The following ZNF805 variants were observed in gnomAD, a reference collection of about 807,000 sequenced individuals.
ZNF805 encodes the protein zinc finger protein 805.
ZNF805 carries 7 observed loss-of-function variants against 13.6 expected under a neutral mutation model. The ratio of observed to expected loss-of-function variants is 0.51; its 90% confidence interval spans 0.29 to 0.97. The LOEUF (loss-of-function observed/expected upper bound fraction) is 0.97. Among genes scored for constraint, ZNF805 ranks in the 50% least tolerant of loss-of-function variants. The probability of loss-of-function intolerance (pLI) is 0.08; values close to 1 mark genes in which losing one functional copy is unlikely to be tolerated. For synonymous variants in ZNF805, 293 were observed against 279.8 expected (o/e 1.05, Z -0.47); for missense variants, 604 against 771.0 (o/e 0.78, Z 2.57).
rs1478882280 is a variant in ZNF805, at chr19:57,261,018, G to T, written c.*6315G>T. On this transcript the variant is annotated 3_prime_UTR_variant, in exon 4 of 4. Transcript: ENST00000414468. Reference sequence around the variant, plus strand: ...GAGGTACAGAAAGATTAAGGAATTTGTCAAAGATTTCACAATTATGAAATT... The same window carrying T: ...GAGGTACAGAAAGATTAAGGAATTTTTCAAAGATTTCACAATTATGAAATT... 6.6e-6 allele frequency among the ~76,000 whole-genome samples: 1 copy of T among 152,132 alleles called. No homozygotes were observed. Among genetic ancestry groups the T allele is most frequent in the Non-Finnish European group, 1.5e-5 (1 of 68,028 alleles).
Position 57,253,546 on chromosome 19 carries a change from A to G in ZNF805, c.727A>G (p.Ser243Gly). 2 of 1,613,672 alleles carry G rather than the reference A, an allele frequency of 1.2e-6. No individual in the cohort carries two copies. Among genetic ancestry groups the G allele is most frequent in the Non-Finnish European group, 1.7e-6 (2 of 1,179,766 alleles). The change falls in exon 4 of 4, where the codon AGT (serine) becomes GGT (glycine). Residue 243 changes from serine (S) to glycine (G), a missense_variant. Coordinates refer to ENST00000414468, the MANE Select transcript of ZNF805 (RefSeq NM_001023563.4). This position sits in a 1 kb window ranked among gnomAD's most constrained non-coding sequence, Gnocchi z 4.4. ...AGAGTGTGGAAAAACCTTTAGCAAG[A>G]GTACATACCTCCTGCAGCACCACAT... ...CTECGKTFSK[S>G]TYLLQHHMVH...
At chr19:57,245,607 GTC>G (rs1568488005) in intron 2 of ZNF805, among the ~76,000 whole-genome samples, 61 of 148,550 alleles carry the variant, frequency 4.1e-4, no homozygotes, top group African/African-American at 1.4e-3. Flanking sequence ...GTGCAACCCT[GTC>G]TCTACTAAAA....
rs1448970724 is a variant in ZNF805, at chr19:57,243,979, G to A, written c.87G>A (p.Gln29=). 5 of 1,614,134 alleles carry A rather than the reference G, an allele frequency of 3.1e-6. No homozygotes were observed. The highest frequency in any genetic ancestry group is 4.2e-6 in the Non-Finnish European group (5 of 1,180,022). The change falls in exon 2 of 4, where the codon CAG becomes CAA. Residue 29 remains glutamine (Q), a synonymous_variant. Coordinates refer to ENST00000414468, the MANE Select transcript of ZNF805 (RefSeq NM_001023563.4). ...AVTFTQEEWG[Q]LDLAQRTLYQ... ...CTTTCACCCAGGAGGAGTGGGGCCA[G>A]CTGGACCTAGCTCAGCGGACCCTGT... is the stretch of plus-strand genomic sequence containing the variant.
rs761314539 is a variant in ZNF805, at chr19:57,254,662, C to G, written c.1843C>G (p.Arg615Gly). Residue 615 changes from arginine to glycine, a missense_variant, in exon 4 of 4, where the codon CGT becomes GGT. Physicochemically the swap from Arg to Gly is moderately radical, Grantham distance 125. Coordinates refer to ENST00000414468, the MANE Select transcript of ZNF805 (RefSeq NM_001023563.4). ...QEEASYMASD[R>G]TYQRETPQVS... ...GGAAGCATCTTACATGGCATCTGAT[C>G]GTACATACCAAAGAGAAACCCCACA... 2 of 1,613,566 alleles carry G rather than the reference C, an allele frequency of 1.2e-6. No individual in the cohort carries two copies. Among genetic ancestry groups the G allele is most frequent in the Non-Finnish European group, 8.5e-7 (1 of 1,179,804 alleles).
chr19:57,245,225 C>A (rs2087605502), intron 2 of ZNF805, among the ~76,000 whole-genome samples: 1 of 152,190 alleles, frequency 6.6e-6, no homozygotes, highest in Non-Finnish European at 1.5e-5. Flanking sequence ...TGCCCACCCA[C>A]CTCAGGCCAT....
In ZNF805 at chr19:57,240,853, G is replaced by T. The variant is rs772923196; in HGVS notation, c.-39G>T. ...TGAGCCCGCGAGACCCGCCCTGCTC[G>T]CCGCAGCCCCCGCCCCGCTAGGGCC... On this transcript the variant is annotated 5_prime_UTR_variant, in exon 1 of 4. Transcript: ENST00000414468. 1.9e-6 allele frequency: 3 copies of T among 1,543,668 alleles called. No individual in the cohort carries two copies. The South Asian group carries it at 3.6e-5, about 18-fold the overall frequency.
At chr19:57,252,613 G>A (rs1241497468) in intron 3 of ZNF805, among the ~76,000 whole-genome samples, 2 of 152,144 alleles carry the variant, frequency 1.3e-5, no homozygotes, top group African/African-American at 2.4e-5. Context: ...ACACAAGCAC[G>A]GTTAATCGAG....
At chr19:57,249,294 T>C (rs1190548333) in intron 3 of ZNF805, among the ~76,000 whole-genome samples, 4 of 152,156 alleles carry the variant, frequency 2.6e-5, no homozygotes, top group African/African-American at 4.8e-5. Flanking sequence ...TCCATGAGTC[T>C]AGGAATTGTG....
intron 1 of ZNF805, among the ~76,000 whole-genome samples, chr19:57,241,448 C>T (rs1706449455): frequency 6.6e-6 from 1 of 152,142 alleles, no homozygotes; most frequent in Admixed American, 6.5e-5. Context: ...CTGCAGCTTT[C>T]CACTGCTAAA....
At position 57,245,843 on chromosome 19, in the gene ZNF805, C is replaced by T. The variant is rs185550523; in HGVS notation, c.157+1794C>T. Among the ~76,000 whole-genome samples the T allele has an allele frequency of 1.1e-4, 17 of 152,156 alleles. No homozygotes were observed. In the East Asian group the frequency reaches 3.1e-3, roughly 28 times the overall value. Reference sequence around the variant, plus strand: ...GTGGGTGGAGATGCTGCTAAACATCCTTATAATGCACAGGACAGATCCTTT... The same window carrying T: ...GTGGGTGGAGATGCTGCTAAACATCTTTATAATGCACAGGACAGATCCTTT... On this transcript the variant is annotated intron_variant, in intron 2 of 3. Transcript: ENST00000414468.
intron 3 of ZNF805, among the ~76,000 whole-genome samples, chr19:57,249,215 A>G (rs942992873): frequency 5.9e-5 from 9 of 152,018 alleles, no homozygotes; most frequent in Admixed American, 5.9e-4. Context: ...GAATAAGGAA[A>G]GTCATACCCA....
Position 57,254,407 on chromosome 19 carries a change from TC to T in ZNF805, c.1589del (p.Ser530LeufsTer40), listed in dbSNP as rs2087673726. On this transcript the variant is annotated frameshift_variant, in exon 4 of 4. Coordinates refer to ENST00000414468, the MANE Select transcript of ZNF805 (RefSeq NM_001023563.4). LOFTEE classifies it low-confidence loss of function (END_TRUNC). ...CTGGAGCACAAACCTCATTCGACAC[TC>T]TATCATCCACACTGGAGAGAAGCCG... ...FCWSTNLIRH[S>X]IIHTGEKPYE... 6.2e-7 allele frequency: 1 copy of T among 1,613,642 alleles called. No homozygotes were observed. The highest frequency in any genetic ancestry group is 8.5e-7 in the Non-Finnish European group (1 of 1,179,908).
rs2087684126 is a variant in ZNF805, at chr19:57,255,841, T to C, written c.*1138T>C. 6.6e-6 allele frequency among the ~76,000 whole-genome samples: 1 copy of C among 152,134 alleles called. No individual in the cohort carries two copies. Among genetic ancestry groups the C allele is most frequent in the Non-Finnish European group, 1.5e-5 (1 of 67,982 alleles). On this transcript the variant is annotated 3_prime_UTR_variant, in exon 4 of 4. Transcript: ENST00000414468. ...CCTTTTATTTGCTTTTCTCATGTTA[T>C]TGTACTAGGTAGGATTTCCAGTGTG...
Position 57,240,839 on chromosome 19 carries a change from G to T in ZNF805, c.-53G>T. 1 of 1,535,600 alleles carries T rather than the reference G, an allele frequency of 6.5e-7. No homozygotes were observed. Among genetic ancestry groups the T allele is most frequent in the South Asian group, 1.2e-5 (1 of 83,048 alleles). ...GGGTGGGGCTCGGCTGAGCCCGCGAGACCCGCCCTGCTCGCCGCAGCCCCC... is the reference window on the plus strand; with the variant it reads ...GGGTGGGGCTCGGCTGAGCCCGCGATACCCGCCCTGCTCGCCGCAGCCCCC... On this transcript the variant is annotated 5_prime_UTR_variant, in exon 1 of 4. Coordinates refer to ENST00000414468, the MANE Select transcript of ZNF805 (RefSeq NM_001023563.4).
At chr19:57,246,504 A>G (rs1345539078) in intron 2 of ZNF805, among the ~76,000 whole-genome samples, 3 of 152,216 alleles carry the variant, frequency 2.0e-5, no homozygotes, top group Non-Finnish European at 4.4e-5. Flanking sequence ...CAGCCCGGGC[A>G]TGGTGGCTCA....
intron 1 of ZNF805, among the ~76,000 whole-genome samples, 194 bp from the exon 2 acceptor site, chr19:57,243,729 A>G (rs1255573254): frequency 2.6e-5 from 4 of 152,130 alleles, no homozygotes; most frequent in Non-Finnish European, 4.4e-5. Context: ...GATGGCTCCT[A>G]TATAGGAGGC....
In ZNF805 at chr19:57,258,175, A is replaced by T. The variant is rs1046012260; in HGVS notation, c.*3472A>T. Among the ~76,000 whole-genome samples, 5 of 147,392 alleles carry T rather than the reference A, an allele frequency of 3.4e-5. No homozygotes were observed. Among genetic ancestry groups the T allele is most frequent in the African/African-American group, 1.3e-4 (5 of 39,750 alleles). On this transcript the variant is annotated 3_prime_UTR_variant, in exon 4 of 4. Coordinates refer to ENST00000414468, the MANE Select transcript of ZNF805 (RefSeq NM_001023563.4). Reference sequence around the variant, plus strand: ...CTGCCACCACACCTAGCTAATTTTTATATTTTTAGTAGAGACGGGGTTTCA... The same window carrying T: ...CTGCCACCACACCTAGCTAATTTTTTTATTTTTAGTAGAGACGGGGTTTCA...
Position 57,258,007 on chromosome 19 carries a change from ATTTTTTTT to A in ZNF805, c.*3319_*3326del, listed in dbSNP as rs56311072. Among the ~76,000 whole-genome samples the A allele has an allele frequency of 1.0e-5, 1 of 95,698 alleles. No homozygotes were observed. The highest frequency in any genetic ancestry group is 2.0e-5 in the Non-Finnish European group (1 of 50,318). The allele number at this position is 95,698 out of a possible 152,430, so 62.8% of individuals were successfully genotyped here. The stretch of plus-strand genomic sequence containing the variant: ...ACTGGTATGAGCAACCACGCACAGC[ATTTTTTTT>A]TTTTTTTTTTTTTTGAGACGGAGTC... On this transcript the variant is annotated 3_prime_UTR_variant, in exon 4 of 4. Transcript: ENST00000414468.
chr19:57,245,032 T>C (rs2087603997), intron 2 of ZNF805, among the ~76,000 whole-genome samples: 1 of 151,992 alleles, frequency 6.6e-6, no homozygotes, highest in Admixed American at 6.6e-5. Context: ...CAGTCTGTGG[T>C]GTAAGGGTTG....
Sources: allele counts gnomAD v4.1 joint callset (sites outside exome capture counted in the v4.1 genomes callset), GRCh38; gene constraint gnomAD v4.1.1; non-coding constraint Gnocchi (gnomAD v3.1); transcripts MANE v1.5; gene names NCBI Gene and HGNC (gene_info 2026-07-23, HGNC 2026-07-21).